PTTG1IP2: variants seen among roughly 807,000 people sequenced by gnomAD.
The protein encoded by PTTG1IP2 is PTTG1IP family member 2.
At chr7:90,472,985 G>T (rs1007692490) in intron 1 of PTTG1IP2, among the ~76,000 whole-genome samples, 2 of 152,194 alleles carry the variant, frequency 1.3e-5, no homozygotes, top group African/African-American at 4.8e-5. Context: ...ATAAATCTCA[G>T]ATGGGTTGAA....
intron 2 of PTTG1IP2, among the ~76,000 whole-genome samples, chr7:90,484,675 T>C (rs955935175): frequency 6.6e-6 from 1 of 152,204 alleles, no homozygotes. Context: ...GTTAAGGTAT[T>C]AGTCACATAT....
intron 2 of PTTG1IP2, among the ~76,000 whole-genome samples, chr7:90,482,200 C>A (rs1483839096): frequency 6.6e-6 from 1 of 152,102 alleles, no homozygotes; most frequent in Non-Finnish European, 1.5e-5. Context: ...AAGATGGTAA[C>A]TCATGAAGCA....
chr7:90,486,140 T>A (rs572093059), intron 2 of PTTG1IP2, among the ~76,000 whole-genome samples: 1 of 152,282 alleles, frequency 6.6e-6, no homozygotes, highest in South Asian at 2.1e-4. Flanking sequence ...AGTGAATCAT[T>A]ACCTCTGCTG....
chr7:90,498,094 C>T (rs1010946652), intron 6 of PTTG1IP2, among the ~76,000 whole-genome samples: 4 of 151,790 alleles, frequency 2.6e-5, no homozygotes, highest in African/African-American at 4.8e-5. Flanking sequence ...GGCACGATCT[C>T]GGCTCACTGC....
chr7:90,495,839 A>C (rs747229230), intron 6 of PTTG1IP2, among the ~76,000 whole-genome samples: 11 of 152,206 alleles, frequency 7.2e-5, no homozygotes, highest in Non-Finnish European at 1.6e-4. Flanking sequence ...CAACAGCAAG[A>C]AATGATGGTT....
intron 6 of PTTG1IP2, among the ~76,000 whole-genome samples, chr7:90,503,079 G>A (rs751835431): frequency 2.6e-5 from 4 of 152,148 alleles, no homozygotes; most frequent in Non-Finnish European, 4.4e-5. Flanking sequence ...AGATCTTCTG[G>A]ATAACTTGCT....
chr7:90,505,916 G>A (rs767268898), intron 6 of PTTG1IP2, among the ~76,000 whole-genome samples: 6 of 149,578 alleles, frequency 4.0e-5, no homozygotes, highest in Admixed American at 2.7e-4. Context: ...CCCGGGAGGC[G>A]AAGCTTGCAG....
chr7:90,500,820 G>A (rs777263355), intron 6 of PTTG1IP2, among the ~76,000 whole-genome samples: 7 of 152,208 alleles, frequency 4.6e-5, no homozygotes, highest in Non-Finnish European at 8.8e-5. Flanking sequence ...CTGGTGTCTG[G>A]AGGTATGAGC....
intron 1 of PTTG1IP2, among the ~76,000 whole-genome samples, chr7:90,473,488 G>T (rs1797713113): frequency 6.6e-6 from 1 of 152,168 alleles, no homozygotes; most frequent in Non-Finnish European, 1.5e-5. Flanking sequence ...GGTAAATGGG[G>T]AAGGAGCAAA....
chr7:90,493,798 C>T (rs6465266), intron 5 of PTTG1IP2, among the ~76,000 whole-genome samples: 145,926 of 152,322 alleles, frequency 0.96, 69,941 homozygotes, highest in East Asian at 1. Context: ...GGTCTGAAGA[C>T]GGAGGGAGAG....
At chr7:90,509,636 C>T (rs1798162615) in intron 6 of PTTG1IP2, among the ~76,000 whole-genome samples, 1 of 152,130 alleles carries the variant, frequency 6.6e-6, no homozygotes, top group Non-Finnish European at 1.5e-5. Flanking sequence ...AGTGAGGAAA[C>T]AGTTTACAAA....
intron 1 of PTTG1IP2, among the ~76,000 whole-genome samples, chr7:90,477,472 T>A (rs1797761034): frequency 6.6e-6 from 1 of 152,234 alleles, no homozygotes; most frequent in Non-Finnish European, 1.5e-5. Context: ...CTTCCTCTCT[T>A]CGCTCTTAGC....
At chr7:90,487,027 C>T (rs564640237) in intron 2 of PTTG1IP2, among the ~76,000 whole-genome samples, 1 of 152,232 alleles carries the variant, frequency 6.6e-6, no homozygotes, top group African/African-American at 2.4e-5. Context: ...CTGTTTGGAA[C>T]CCCATGTCAG....
intron 6 of PTTG1IP2, among the ~76,000 whole-genome samples, chr7:90,499,498 T>G (rs1798036848): frequency 6.6e-6 from 1 of 152,218 alleles, no homozygotes; most frequent in South Asian, 2.1e-4. Context: ...GTTGGCCATA[T>G]AATAATCATA....
At chr7:90,507,856 ATTC>A (rs1383249393) in intron 6 of PTTG1IP2, among the ~76,000 whole-genome samples, 1 of 152,148 alleles carries the variant, frequency 6.6e-6, no homozygotes, top group Admixed American at 6.5e-5. Flanking sequence ...TGTCACTGTA[ATTC>A]TAGAGGCGCT....
rs115372532 is a variant in PTTG1IP2, at chr7:90,494,963, T to C, written c.*50+533T>C. 3.9e-3 allele frequency among the ~76,000 whole-genome samples: 594 copies of C among 152,194 alleles called. 1 individual carries two copies. Among genetic ancestry groups the C allele is most frequent in the African/African-American group, 0.014 (566 of 41,532 alleles). ...AGTTGGAGGCTGTAGTGAGTTATGA[T>C]TGCGCTACTGCATTTCAGCCTGGGT... On this transcript the variant is annotated intron_variant, in intron 6 of 6. Coordinates refer to ENST00000509356, the MANE Select transcript of PTTG1IP2 (RefSeq NM_001365443.2).
chr7:90,507,700 T>G (rs147472628), intron 6 of PTTG1IP2, among the ~76,000 whole-genome samples: 31 of 152,302 alleles, frequency 2.0e-4, no homozygotes, highest in African/African-American at 7.5e-4. Context: ...TTAAATGACT[T>G]AAGTATTCCT....
chr7:90,510,713 C>T lies in PTTG1IP2; in HGVS notation c.*51-2565C>T, dbSNP rs533328427. ...AACTTTTATTATAGAAATCCACAGG[C>T]AGGCAATGTAAAAAAGCAAATGCTG... is the stretch of plus-strand genomic sequence containing the variant. On this transcript the variant is annotated intron_variant, in intron 6 of 6. Transcript: ENST00000509356. Among the ~76,000 whole-genome samples, 145 of 152,288 alleles carry T rather than the reference C, an allele frequency of 9.5e-4. 2 individuals are homozygous for T. The highest frequency in any genetic ancestry group is 3.4e-3 in the African/African-American group (141 of 41,554).
At chr7:90,497,277 A>G (rs1798002635) in intron 6 of PTTG1IP2, among the ~76,000 whole-genome samples, 1 of 152,136 alleles carries the variant, frequency 6.6e-6, no homozygotes, top group East Asian at 1.9e-4. Context: ...ACAAAAGAAA[A>G]GTTAAGGCCG....
Sources: allele counts gnomAD v4.1 joint callset (sites outside exome capture counted in the v4.1 genomes callset), GRCh38; gene constraint gnomAD v4.1.1; transcripts MANE v1.5; gene names NCBI Gene and HGNC (gene_info 2026-07-23, HGNC 2026-07-21).